ADGRB1: variants seen among roughly 807,000 people sequenced by gnomAD.
ADGRB1 encodes the protein brain-specific angiogenesis inhibitor 1.
ADGRB1 carries 36 observed loss-of-function variants against 175.7 expected under a neutral mutation model. The observed-to-expected ratio is 0.20, with a 90% confidence interval of 0.16 to 0.27. The LOEUF (loss-of-function observed/expected upper bound fraction) is 0.27, where lower values mean the gene tolerates loss of function less well. ADGRB1 is among the 10% of genes least tolerant of loss of function. ADGRB1 has a pLI of 1.00. For missense variants in ADGRB1, 1,731 were observed against 2,255.3 expected (o/e 0.77, Z 4.71); for synonymous variants, 1,054 against 979.4 (o/e 1.08, Z -1.42).
intron 27 of ADGRB1, among the ~76,000 whole-genome samples, chr8:142,540,321 C>T (rs1295540865): frequency 6.6e-6 from 1 of 152,256 alleles, no homozygotes; most frequent in Non-Finnish European, 1.5e-5. Flanking sequence ...CCTTCTGCCC[C>T]CTTGGGGTCT....
rs748739348 is a variant in ADGRB1 at position 142,477,269 on chromosome 8, G to A, written c.1213G>A (p.Val405Met). 3.8e-6 allele frequency: 6 copies of A among 1,591,824 alleles called. No individual in the cohort carries two copies. In the African/African-American group the frequency reaches 4.0e-5, roughly 11 times the overall value. The change falls in exon 5 of 31, where the codon GTG (valine) becomes ATG (methionine). Residue 405 changes from valine to methionine, a missense_variant. Coordinates refer to ENST00000517894, the MANE Select transcript of ADGRB1 (RefSeq NM_001702.3). ...GCAGCGGCTGTGCAACAACTCTGCC[G>A]TGTGCCCAGGTGGGTGGGACCTTGG... Reference protein sequence around the residue: ...REQRLCNNSAVCPVHGAWDEW... With the variant: ...REQRLCNNSAMCPVHGAWDEW...
chr8:142,505,613 GGA>G (rs769701733), intron 17 of ADGRB1, among the ~76,000 whole-genome samples: 37 of 152,182 alleles, frequency 2.4e-4, no homozygotes, highest in Non-Finnish European at 4.1e-4. Flanking sequence ...CTGTGGCAGA[GGA>G]GAGAGTTGGG....
intron 17 of ADGRB1, among the ~76,000 whole-genome samples, chr8:142,501,217 G>A (rs539748340): frequency 4.7e-4 from 72 of 152,320 alleles, no homozygotes; most frequent in Admixed American, 8.5e-4. Flanking sequence ...TAAAGGTGAC[G>A]GTTGTGGTGA....
At chr8:142,540,382 G>A (rs1260379324) in intron 27 of ADGRB1, among the ~76,000 whole-genome samples, 1 of 152,276 alleles carries the variant, frequency 6.6e-6, no homozygotes, top group Admixed American at 6.5e-5. Flanking sequence ...AGGACTTGGG[G>A]CCTCAGGTGG....
rs1172989067 is a variant in ADGRB1, at chr8:142,464,810, C to A, written c.612C>A (p.His204Gln). ...GTCTGGCCGGTAGTCGCAGCTCGCACCCCTGCGGGATCATGCAGACCCCCT... is the reference window on the plus strand; with the variant it reads ...GTCTGGCCGGTAGTCGCAGCTCGCAACCCTGCGGGATCATGCAGACCCCCT... ...DACLAGSRSS[H>Q]PCGIMQTPCA... is the part of the protein sequence containing the mutation. The change falls in exon 2 of 31, where the codon CAC (histidine) becomes CAA (glutamine). Residue 204 changes from histidine (H) to glutamine (Q), a missense_variant. His to Gln is a conservative substitution (Grantham distance 24). Coordinates refer to ENST00000517894, the MANE Select transcript of ADGRB1 (RefSeq NM_001702.3). 1 of 1,534,900 alleles carries A rather than the reference C, an allele frequency of 6.5e-7. No individual in the cohort carries two copies. Among genetic ancestry groups the A allele is most frequent in the South Asian group, 1.2e-5 (1 of 83,888 alleles).
rs551982347 is a variant in ADGRB1, at chr8:142,477,616, G to A, written c.1387+67G>A. The A allele has an allele frequency of 1.4e-5, 21 of 1,539,310 alleles. No homozygotes were observed. In the East Asian group the frequency reaches 1.6e-4, roughly 12 times the overall value. On this transcript the variant is annotated intron_variant, in intron 6 of 30. Coordinates refer to ENST00000517894, the MANE Select transcript of ADGRB1 (RefSeq NM_001702.3). Reference sequence around the variant, plus strand: ...AAAGGGGAGGTCACAGTGGGCCACCGGCCAGGCCCAGGAGCCCAGCTTTGC... The same window carrying A: ...AAAGGGGAGGTCACAGTGGGCCACCAGCCAGGCCCAGGAGCCCAGCTTTGC...
intron 2 of ADGRB1, among the ~76,000 whole-genome samples, chr8:142,470,004 T>A (rs911855487): frequency 2.6e-5 from 4 of 152,194 alleles, no homozygotes; most frequent in African/African-American, 9.7e-5. Flanking sequence ...CACAGCCAAG[T>A]GCAGGAGCAA....
At chr8:142,489,258 CG>C in intron 15 of ADGRB1, 77 bp from the exon 16 acceptor site, 1 of 1,574,044 alleles carries the variant, frequency 6.4e-7, no homozygotes, top group Non-Finnish European at 8.7e-7. Context: ...CAGGGGCCCT[CG>C]GGGGCACCTG....
rs181525250 is a variant in ADGRB1, at chr8:142,474,497, G to A, written c.785-977G>A. Among the ~76,000 whole-genome samples the A allele has an allele frequency of 2.0e-3, 312 of 152,234 alleles. No homozygotes were observed. Among genetic ancestry groups the A allele is most frequent in the African/African-American group, 6.4e-3 (265 of 41,538 alleles). ...AGGCCCGAGCGGGAGGCCTGGACGC[G>A]GCAGCCCCTTCCCGGCCCCCTGGTG... On this transcript the variant is annotated intron_variant, in intron 2 of 30. Transcript: ENST00000517894. This position sits in a 1 kb window ranked among gnomAD's most constrained non-coding sequence, Gnocchi z 5.8.
chr8:142,536,257 T>G (rs1018248735), intron 25 of ADGRB1, among the ~76,000 whole-genome samples: 11 of 151,838 alleles, frequency 7.2e-5, no homozygotes, highest in Admixed American at 2.6e-4. Flanking sequence ...ACCACCGCAG[T>G]GTCAGTGTGC....
chr8:142,475,711 C>G lies in ADGRB1; in HGVS notation c.946+76C>G, dbSNP rs189809244. The stretch of plus-strand genomic sequence containing the variant: ...TGTGAGGGAGGAGAGGGGGGTGGGG[C>G]CCTGGAGAGGAGGGGCCCGTGGGGG... On this transcript the variant is annotated intron_variant, in intron 3 of 30. Transcript: ENST00000517894. 2.9e-3 allele frequency: 3,288 copies of G among 1,120,708 alleles called. 129 individuals are homozygous for G. The Admixed American group carries it at 0.081, about 28-fold the overall frequency. The allele number at this position is 1,120,708 out of a possible 1,614,324, so 69.4% of individuals were successfully genotyped here.
chr8:142,510,622 C>T lies in ADGRB1; in HGVS notation c.2676-310C>T, dbSNP rs964451604. On this transcript the variant is annotated intron_variant, in intron 17 of 30. Coordinates refer to ENST00000517894, the MANE Select transcript of ADGRB1 (RefSeq NM_001702.3). The surrounding 1 kb of genome is among the most constrained non-coding windows in gnomAD (Gnocchi z 6.3). Reference sequence around the variant, plus strand: ...GGCGGGGGCGCGGGGCGGGCGACTGCCGGGCCCCGGGCCAGCTCTCGCCCC... The same window carrying T: ...GGCGGGGGCGCGGGGCGGGCGACTGTCGGGCCCCGGGCCAGCTCTCGCCCC... Among the ~76,000 whole-genome samples the T allele has an allele frequency of 1.4e-5, 2 of 145,944 alleles. No individual in the cohort carries two copies. The highest frequency in any genetic ancestry group is 3.0e-5 in the Non-Finnish European group (2 of 65,632).
At chr8:142,470,516 G>A (rs1840603530) in intron 2 of ADGRB1, among the ~76,000 whole-genome samples, 1 of 151,652 alleles carries the variant, frequency 6.6e-6, no homozygotes, top group South Asian at 2.1e-4. Flanking sequence ...GTCCCTGTGT[G>A]TGTGTCCCTC....
chr8:142,476,642 G>A lies in ADGRB1; in HGVS notation c.1004G>A (p.Arg335His), dbSNP rs575909598. The change falls in exon 4 of 31, where the codon CGC becomes CAC. Residue 335 changes from arginine to histidine, a missense_variant. Transcript: ENST00000517894. ...CTGCGGTCCACAGATGCCCGGCGGC[G>A]CGAGGAGCTGGGGGACGAGCTGCAG... ...QSLRSTDARR[R>H]EELGDELQQF... is the part of the protein sequence containing the mutation. 11 of 1,548,556 alleles carry A rather than the reference G, an allele frequency of 7.1e-6. No homozygotes were observed. In the South Asian group the frequency reaches 7.1e-5, roughly 10 times the overall value.
chr8:142,484,398 C>T lies in ADGRB1; in HGVS notation c.2200-258C>T, dbSNP rs187078041. Among the ~76,000 whole-genome samples, 413 of 152,320 alleles carry T rather than the reference C, an allele frequency of 2.7e-3. 1 individual carries two copies. The highest frequency in any genetic ancestry group is 4.0e-3 in the African/African-American group (165 of 41,578). On this transcript the variant is annotated intron_variant, in intron 12 of 30. Transcript: ENST00000517894. ...CTCCAGCCAGCCACCACTCCTAGCCCGGGCAGCACCCGGCATGGGGGCTGT... is the reference window on the plus strand; with the variant it reads ...CTCCAGCCAGCCACCACTCCTAGCCTGGGCAGCACCCGGCATGGGGGCTGT...
chr8:142,481,766 C>T, intron 11 of ADGRB1, 55 bp downstream of exon 11: 2 of 1,413,242 alleles, frequency 1.4e-6, no homozygotes, highest in Admixed American at 2.6e-5. Context: ...GTCTGGGGAG[C>T]CCTCCTCGAC....
chr8:142,531,440 TTCCCAGGC>T (rs1844617242), intron 24 of ADGRB1, among the ~76,000 whole-genome samples: 1 of 152,060 alleles, frequency 6.6e-6, no homozygotes, highest in East Asian at 1.9e-4. Flanking sequence ...GACGCCTGAG[TTCCCAGGC>T]GTGGGGTGCA....
rs766125157 is a variant in ADGRB1 at position 142,542,593 on chromosome 8, G to A, written c.4359G>A (p.Thr1453=). ...GEPAAHPGPS[T]GPSTKNENVA... ...CTGCCGCCCATCCGGGACCCAGCAC[G>A]GGGCCCAGCACCAAGAACGAGAATG... Residue 1453 remains threonine, a synonymous_variant, in exon 28 of 31, where the codon ACG becomes ACA. Coordinates refer to ENST00000517894, the MANE Select transcript of ADGRB1 (RefSeq NM_001702.3). This position sits in a 1 kb window ranked among gnomAD's most constrained non-coding sequence, Gnocchi z 6.3. 109 of 1,535,626 alleles carry A rather than the reference G, an allele frequency of 7.1e-5. 1 individual carries two copies. The Admixed American group carries it at 1.6e-3, about 23-fold the overall frequency.
chr8:142,489,114 G>A lies in ADGRB1; in HGVS notation c.2528+4G>A. 6.2e-7 allele frequency: 1 copy of A among 1,602,108 alleles called. No homozygotes were observed. ...GCAGCTTCCTGGCCCTGCAGAGGTGGGGAGCCCTGGGCAGGTGGGGTGGGC... is the reference window on the plus strand; with the variant it reads ...GCAGCTTCCTGGCCCTGCAGAGGTGAGGAGCCCTGGGCAGGTGGGGTGGGC... On this transcript the variant is annotated splice_donor_region_variant and intron_variant, in intron 15 of 30. Transcript: ENST00000517894.
Sources: gnomAD v4.1 joint callset for allele counts (sites outside exome capture counted in the v4.1 genomes callset) on GRCh38, gnomAD v4.1.1 for gene constraint, Gnocchi (gnomAD v3.1) non-coding constraint, MANE v1.5 for transcripts, NCBI Gene and HGNC (gene_info 2026-07-23, HGNC 2026-07-21) for gene names.